Variants in CLDN16 observed in about 807,000 individuals in gnomAD.
CLDN16 encodes the protein claudin 16.
Under a neutral mutation model 24.6 loss-of-function variants are expected in CLDN16, and 13 were observed. The observed-to-expected ratio is 0.53, with a 90% CI of 0.34 to 0.84. The LOEUF (loss-of-function observed/expected upper bound fraction) is 0.84. CLDN16 is among the 40% of genes least tolerant of loss of function. The pLI is 0.01. For synonymous variants in CLDN16, 116 were observed against 106.7 expected (o/e 1.09, Z -0.54); for missense variants, 298 against 292.7 (o/e 1.02, Z -0.13).
intron 1 of CLDN16, among the ~76,000 whole-genome samples, chr3:190,328,174 G>A (rs1429720718): frequency 3.9e-5 from 6 of 151,902 alleles, no homozygotes; most frequent in South Asian, 4.2e-4. Context: ...CCAGCAACTC[G>A]GGAGGCTGAG....
chr3:190,301,771 A>G, the CLDN16 span, among the ~76,000 whole-genome samples: 7,102 of 152,264 alleles, frequency 0.047, 252 homozygotes, highest in Non-Finnish European at 0.069. Flanking sequence ...GACAGACTGC[A>G]ATCATCAAGC....
At chr3:190,316,505 A>T in the CLDN16 span, among the ~76,000 whole-genome samples, 7 of 152,254 alleles carry the variant, frequency 4.6e-5, no homozygotes, top group African/African-American at 1.7e-4. Context: ...TACCAGTCAA[A>T]GTAAGCAACT....
Position 190,344,701 on chromosome 3 carries a change from TAA to T in CLDN16, n.121+22050_121+22051del, listed in dbSNP as rs5855325. Among the ~76,000 whole-genome samples the T allele has an allele frequency of 3.0e-4, 43 of 145,512 alleles. 1 individual carries two copies. In the East Asian group the frequency reaches 8.3e-3, roughly 28 times the overall value. ...AGTAGCATAAGGAAAGCTGTGGAAA[TAA>T]AAAAAAAAACTAAGGATTCCAGATA... is the stretch of plus-strand genomic sequence containing the variant. On this transcript the variant is annotated intron_variant and non_coding_transcript_variant, in intron 1 of 4. Transcript: ENST00000468220.
intron 1 of CLDN16, among the ~76,000 whole-genome samples, chr3:190,389,018 G>C (rs3774014): frequency 6.6e-6 from 1 of 152,068 alleles, no homozygotes; most frequent in Non-Finnish European, 1.5e-5. Context: ...CCCAATGTAC[G>C]GGGGACAGGC....
chr3:190,385,130 A>G (rs1307979483), upstream of CLDN16, among the ~76,000 whole-genome samples: 3 of 152,148 alleles, frequency 2.0e-5, no homozygotes, highest in Admixed American at 1.3e-4. Flanking sequence ...AGAAAGTACT[A>G]GAGTCAGAGT....
chr3:190,391,733 C>T (rs952778757), intron 1 of CLDN16, among the ~76,000 whole-genome samples: 1 of 152,122 alleles, frequency 6.6e-6, no homozygotes, highest in Non-Finnish European at 1.5e-5. Flanking sequence ...TTTTGCCTAC[C>T]ACACTCTACC....
upstream of CLDN16, among the ~76,000 whole-genome samples, chr3:190,385,682 T>G (rs1162673677): frequency 6.6e-6 from 1 of 152,148 alleles, no homozygotes; most frequent in Non-Finnish European, 1.5e-5. Flanking sequence ...TTCTTTCCAT[T>G]AAGTTCTGAT....
chr3:190,340,942 A>G lies in CLDN16; in HGVS notation n.121+18281A>G, dbSNP rs537351765. Among the ~76,000 whole-genome samples, 7 of 152,302 alleles carry G rather than the reference A, an allele frequency of 4.6e-5. No individual in the cohort carries two copies. In the South Asian group the frequency reaches 1.2e-3, roughly 27 times the overall value. The stretch of plus-strand genomic sequence containing the variant: ...GGCAGTCAAATCTTAAAGCTCCAAA[A>G]TGATTTCCTTTGACTCCAGGTCTCA... On this transcript the variant is annotated intron_variant and non_coding_transcript_variant, in intron 1 of 4. Transcript: ENST00000468220.
chr3:190,294,365 T>C, the CLDN16 span, among the ~76,000 whole-genome samples: 4 of 152,220 alleles, frequency 2.6e-5, no homozygotes, highest in Non-Finnish European at 5.9e-5. Context: ...ACTTAATTCA[T>C]ACTTTTGGTT....
chr3:190,315,068 T>G, the CLDN16 span, among the ~76,000 whole-genome samples: 4 of 152,230 alleles, frequency 2.6e-5, no homozygotes, highest in Admixed American at 1.3e-4. Flanking sequence ...AGGTATGTCC[T>G]CTTTCTGATG....
At chr3:190,322,227 C>T, upstream of CLDN16, 1 of 1,610,776 alleles carries the variant, frequency 6.2e-7, no homozygotes, top group South Asian at 1.1e-5. Flanking sequence ...GGCGCCCGCG[C>T]TGGCTCAGGG....
At chr3:190,341,842 T>C (rs577165682) in intron 1 of CLDN16, among the ~76,000 whole-genome samples, 1 of 152,258 alleles carries the variant, frequency 6.6e-6, no homozygotes, top group South Asian at 2.1e-4. Flanking sequence ...AAAATTTCTT[T>C]CACCGGATAC....
intron 1 of CLDN16, among the ~76,000 whole-genome samples, chr3:190,330,274 A>G (rs1009323607): frequency 6.6e-6 from 1 of 152,204 alleles, no homozygotes; most frequent in Non-Finnish European, 1.5e-5. Context: ...GGTTCTAAGG[A>G]ATAAACTATT....
At chr3:190,328,401 T>G (rs536135251) in intron 1 of CLDN16, among the ~76,000 whole-genome samples, 59 of 152,344 alleles carry the variant, frequency 3.9e-4, no homozygotes, top group Non-Finnish European at 6.3e-4. Flanking sequence ...AATCTTTCTA[T>G]GCCTCATTTT....
At chr3:190,323,853 GC>G (rs1289524367) in intron 1 of CLDN16, among the ~76,000 whole-genome samples, 5 of 152,180 alleles carry the variant, frequency 3.3e-5, no homozygotes, top group African/African-American at 1.2e-4. Context: ...TAAGACAGGA[GC>G]TAGATGAAGA....
At chr3:190,346,865 T>G (rs1260451502) in intron 1 of CLDN16, among the ~76,000 whole-genome samples, 6 of 152,168 alleles carry the variant, frequency 3.9e-5, no homozygotes, top group Non-Finnish European at 8.8e-5. Context: ...GTGTCCAAAT[T>G]GTTCTCTCCT....
At chr3:190,409,042 T>G (rs971510093) in intron 4 of CLDN16, among the ~76,000 whole-genome samples, 4 of 151,246 alleles carry the variant, frequency 2.6e-5, no homozygotes, top group South Asian at 2.1e-4. Context: ...AGTTGTGGAT[T>G]TTTTCAATTA....
At chr3:190,342,260 T>C (rs1328946388) in intron 1 of CLDN16, among the ~76,000 whole-genome samples, 1 of 151,908 alleles carries the variant, frequency 6.6e-6, no homozygotes, top group East Asian at 1.9e-4. Flanking sequence ...CTGGGCAATT[T>C]ACAAAAGAAA....
intron 1 of CLDN16, among the ~76,000 whole-genome samples, chr3:190,346,249 T>A (rs1020466297): frequency 2.6e-5 from 4 of 151,672 alleles, no homozygotes; most frequent in African/African-American, 9.7e-5. Context: ...CAAAAGAAGT[T>A]CTGTTTGCTT....
Sources: gnomAD v4.1 joint callset for allele counts (sites outside exome capture counted in the v4.1 genomes callset) on GRCh38, gnomAD v4.1.1 for gene constraint, MANE v1.5 for transcripts, NCBI Gene and HGNC (gene_info 2026-07-23, HGNC 2026-07-21) for gene names.